Variants in SLC35F4 observed in about 807,000 individuals in gnomAD.
SLC35F4 encodes solute carrier family 35 member F4, also known as chromosome 14 open reading frame 36.
A neutral mutation model predicts 44.2 loss-of-function variants in SLC35F4; 24 were observed. That is an observed-to-expected ratio of 0.54 (90% CI 0.39 to 0.76). The LOEUF (loss-of-function observed/expected upper bound fraction) is 0.76. Ranked by LOEUF, SLC35F4 falls within the 30% of genes least tolerant of loss-of-function variation. The probability of loss-of-function intolerance (pLI) is 0.00; values close to 1 mark genes in which losing one functional copy is unlikely to be tolerated. For missense variants in SLC35F4, 562 were observed against 586.1 expected (o/e 0.96, Z 0.42); for synonymous variants, 238 against 223.6 (o/e 1.06, Z -0.57).
intron 1 of SLC35F4, among the ~76,000 whole-genome samples, chr14:57,688,186 G>C (rs1246701577): frequency 1.3e-5 from 2 of 152,134 alleles, no homozygotes; most frequent in African/African-American, 4.8e-5. Context: ...AAGCAAAAAA[G>C]AGAGAGACAG....
At chr14:57,799,602 G>GC (rs902691840) in intron 1 of SLC35F4, 4 of 152,756 alleles carry the variant, frequency 2.6e-5, no homozygotes, top group Non-Finnish European at 5.8e-5. Flanking sequence ...CCTGAGACCG[G>GC]CGGAGCTCCT....
intron 3 of SLC35F4, among the ~76,000 whole-genome samples, chr14:57,585,028 G>GGAA (rs2069591874): frequency 1.3e-5 from 2 of 152,152 alleles, no homozygotes; most frequent in African/African-American, 4.8e-5. Context: ...AATATCTTTA[G>GGAA]TAATCTCAAA....
In SLC35F4 at chr14:57,827,617, G is replaced by A. The variant is rs776697004; in HGVS notation, c.103+38106C>T. Among the ~76,000 whole-genome samples, 17 of 152,012 alleles carry A rather than the reference G, an allele frequency of 1.1e-4. 1 individual carries two copies. The highest frequency in any genetic ancestry group is 1.1e-3 in the Admixed American group (17 of 15,266). On this transcript the variant is annotated intron_variant, in intron 1 of 7. Transcript: ENST00000556826. ...ATACCTATAAAGATGGAAGGCAAGA[G>A]GACATAGAATTTTGCAGCAAGTACT...
chr14:57,569,844 G>T lies in SLC35F4; in HGVS notation c.1070C>A (p.Ser357Tyr). The change falls in exon 6 of 8, where the codon TCC becomes TAC. Residue 357 changes from serine (S) to tyrosine (Y), a missense_variant. Ser to Tyr is a moderately radical substitution (Grantham distance 144). Transcript: ENST00000556826. Reference protein sequence around the residue: ...ILYFTKVEHWSSFAALPWGCL... With the variant: ...ILYFTKVEHWYSFAALPWGCL... ...GCCCCATGGCAGAGCAGCAAAAGAG[G>T]ACCAGTGCTCCACCTTGGTGAAATA... is the stretch of plus-strand genomic sequence containing the variant. The T allele has an allele frequency of 6.2e-7, 1 of 1,611,604 alleles. No individual in the cohort carries two copies. Among genetic ancestry groups the T allele is most frequent in the Non-Finnish European group, 8.5e-7 (1 of 1,178,946 alleles).
chr14:57,931,233 G>A (rs1025355207), intron 1 of SLC35F4, among the ~76,000 whole-genome samples: 1 of 152,144 alleles, frequency 6.6e-6, no homozygotes, highest in Non-Finnish European at 1.5e-5. Flanking sequence ...CAATTTCATG[G>A]ATGGCCACTT....
At chr14:57,858,143 C>G (rs1887305350) in intron 1 of SLC35F4, among the ~76,000 whole-genome samples, 1 of 151,992 alleles carries the variant, frequency 6.6e-6, no homozygotes, top group Non-Finnish European at 1.5e-5. Flanking sequence ...GGATCTAGAA[C>G]TAGAAATACC....
intron 1 of SLC35F4, among the ~76,000 whole-genome samples, chr14:57,691,802 T>C (rs181737066): frequency 1.8e-3 from 275 of 151,980 alleles, no homozygotes; most frequent in African/African-American, 6.3e-3. Context: ...GAGATACTTA[T>C]ATAACATGAT....
chr14:57,757,225 A>G (rs940844426), intron 1 of SLC35F4, among the ~76,000 whole-genome samples: 1 of 152,116 alleles, frequency 6.6e-6, no homozygotes, highest in Non-Finnish European at 1.5e-5. Flanking sequence ...TGAGTTTTCT[A>G]TTGATTAGCA....
chr14:57,983,061 A>G (rs538942020), upstream of SLC35F4, among the ~76,000 whole-genome samples: 123 of 152,328 alleles, frequency 8.1e-4, no homozygotes, highest in African/African-American at 2.8e-3. Flanking sequence ...TACCAAACCA[A>G]CCTGGCTCTG....
chr14:57,633,181 C>A (rs1222677967), intron 1 of SLC35F4, among the ~76,000 whole-genome samples: 1 of 152,126 alleles, frequency 6.6e-6, no homozygotes, highest in Non-Finnish European at 1.5e-5. Context: ...ACAAAGAAAG[C>A]TGCTCTAAAT....
At chr14:57,752,256 C>T (rs1325914510) in intron 1 of SLC35F4, among the ~76,000 whole-genome samples, 1 of 152,026 alleles carries the variant, frequency 6.6e-6, no homozygotes, top group Non-Finnish European at 1.5e-5. Context: ...CATAACAATT[C>T]CCCAACTTAA....
At chr14:57,826,194 C>A (rs2140923509) in intron 1 of SLC35F4, among the ~76,000 whole-genome samples, 1 of 152,192 alleles carries the variant, frequency 6.6e-6, no homozygotes, top group South Asian at 2.1e-4. Flanking sequence ...GAATAGAGAA[C>A]TCAGAATTAA....
At chr14:57,776,691 T>TAAAAAAAAAAAAAAAAAAAAAA (rs2077498893) in intron 1 of SLC35F4, among the ~76,000 whole-genome samples, 4 of 126,578 alleles carry the variant, frequency 3.2e-5, no homozygotes, top group African/African-American at 1.2e-4. Context: ...AAAAAAAAAT[T>TAAAAAAAAAAAAAAAAAAAAAA]AAAGGCAGCT....
intron 1 of SLC35F4, among the ~76,000 whole-genome samples, chr14:57,787,782 G>C (rs2077804972): frequency 6.6e-6 from 1 of 152,062 alleles, no homozygotes; most frequent in Non-Finnish European, 1.5e-5. Context: ...ACAAATCCTG[G>C]AAACACATCA....
At chr14:57,960,767 AAGGAGCC>A (rs1365594346) in intron 1 of SLC35F4, among the ~76,000 whole-genome samples, 2 of 152,190 alleles carry the variant, frequency 1.3e-5, no homozygotes, top group African/African-American at 2.4e-5. Flanking sequence ...ATAAGAAATC[AAGGAGCC>A]ATTAGAGTGA....
At chr14:57,915,363 C>A (rs1177732668) in intron 1 of SLC35F4, among the ~76,000 whole-genome samples, 2 of 152,184 alleles carry the variant, frequency 1.3e-5, no homozygotes, top group African/African-American at 4.8e-5. Context: ...ATCTCTTTAA[C>A]AAATGGTCAC....
At chr14:57,726,445 T>A (rs961267158) in intron 1 of SLC35F4, among the ~76,000 whole-genome samples, 4 of 152,238 alleles carry the variant, frequency 2.6e-5, no homozygotes, top group Non-Finnish European at 5.9e-5. Context: ...TAATACTTCC[T>A]CCTTCTTTTG....
chr14:57,901,544 G>A (rs1360773306), intron 1 of SLC35F4, among the ~76,000 whole-genome samples: 3 of 152,096 alleles, frequency 2.0e-5, no homozygotes, highest in Non-Finnish European at 2.9e-5. Context: ...TAGGGGAAGG[G>A]AGAGCATCAG....
chr14:57,747,502 T>G (rs2076787254), intron 1 of SLC35F4, among the ~76,000 whole-genome samples: 1 of 152,236 alleles, frequency 6.6e-6, no homozygotes, highest in Admixed American at 6.5e-5. Context: ...GAACCCCCAG[T>G]ATGGTATTGT....
Sources: allele counts gnomAD v4.1 joint callset (sites outside exome capture counted in the v4.1 genomes callset), GRCh38; gene constraint gnomAD v4.1.1; transcripts MANE v1.5; gene names NCBI Gene and HGNC (gene_info 2026-07-23, HGNC 2026-07-21).